Variants in ADAMTSL1 observed in about 807,000 individuals in gnomAD.
The protein encoded by ADAMTSL1 is ADAMTS like 1, also known as ADAMTS-like protein 1.
In ADAMTSL1, 126 loss-of-function variants were observed where a neutral mutation model predicts 201.8. The observed-to-expected ratio is 0.62, with a 90% CI of 0.54 to 0.72. The LOEUF (loss-of-function observed/expected upper bound fraction) is 0.72. ADAMTSL1 is among the 30% of genes least tolerant of loss of function. ADAMTSL1 has a pLI of 0.00. For synonymous variants in ADAMTSL1, 1,121 were observed against 903.4 expected (o/e 1.24, Z -4.32); for missense variants, 2,679 against 2,277.8 (o/e 1.18, Z -3.59).
intron 1 of ADAMTSL1, among the ~76,000 whole-genome samples, chr9:18,073,897 A>G (rs183242465): frequency 2.0e-3 from 297 of 152,288 alleles, no homozygotes; most frequent in African/African-American, 6.8e-3. Flanking sequence ...TAGAATTCTC[A>G]AGCCCTATTT....
At chr9:18,612,312 C>T (rs1378278456) in intron 4 of ADAMTSL1, among the ~76,000 whole-genome samples, 1 of 152,082 alleles carries the variant, frequency 6.6e-6, no homozygotes, top group Non-Finnish European at 1.5e-5. Context: ...TCTTTGGAAC[C>T]AGTGGCAGAG....
chr9:18,903,851 GAAA>G (rs565276186), intron 26 of ADAMTSL1, among the ~76,000 whole-genome samples: 2 of 134,508 alleles, frequency 1.5e-5, no homozygotes, highest in South Asian at 2.4e-4. Context: ...ACCTTTGGTT[GAAA>G]AAAAAAAAAA....
At position 18,004,157 on chromosome 9, in the gene ADAMTSL1, C is replaced by G. The variant is rs371929608; in HGVS notation, c.87+97235C>G. 8.5e-4 allele frequency among the ~76,000 whole-genome samples: 129 copies of G among 151,886 alleles called. 1 individual carries two copies. Among genetic ancestry groups the G allele is most frequent in the African/African-American group, 2.9e-3 (120 of 41,440 alleles). On this transcript the variant is annotated intron_variant, in intron 1 of 29. Transcript: ENST00000680146. ...TTCAACTGCTGAGGAAATGTTTCAG[C>G]TAGCAATAAAAGGGTTTCATATGCA...
intron 1 of ADAMTSL1, among the ~76,000 whole-genome samples, chr9:18,009,848 G>T (rs1020389948): frequency 1.3e-5 from 2 of 151,986 alleles, no homozygotes; most frequent in Admixed American, 1.3e-4. Context: ...TTAGGATCCA[G>T]GCTTGCAGAT....
At chr9:17,952,917 CCCTCCT>C (rs59567399) in intron 1 of ADAMTSL1, among the ~76,000 whole-genome samples, 1,842 of 146,054 alleles carry the variant, frequency 0.013, 24 homozygotes, top group Admixed American at 0.021. Context: ...TTCCTCCTTT[CCCTCCT>C]CCTCCTCCTC....
intron 22 of ADAMTSL1, among the ~76,000 whole-genome samples, chr9:18,827,255 A>G (rs1053629467): frequency 1.3e-5 from 2 of 152,160 alleles, no homozygotes; most frequent in Non-Finnish European, 1.5e-5. Context: ...CACCTAGAGA[A>G]AGCTGTCATT....
At chr9:18,559,341 C>A (rs1031384725) in intron 3 of ADAMTSL1, among the ~76,000 whole-genome samples, 2 of 152,072 alleles carry the variant, frequency 1.3e-5, no homozygotes, top group African/African-American at 2.4e-5. Context: ...ATTTCTGAGG[C>A]CTCTGTTCAG....
chr9:18,858,872 A>G (rs1002105724), intron 23 of ADAMTSL1, among the ~76,000 whole-genome samples: 1 of 152,306 alleles, frequency 6.6e-6, no homozygotes, highest in Admixed American at 6.5e-5. Flanking sequence ...GCCCTCTAAT[A>G]TATGTGCAAA....
intron 20 of ADAMTSL1, among the ~76,000 whole-genome samples, chr9:18,813,355 G>T (rs1315975356): frequency 6.6e-6 from 1 of 152,128 alleles, no homozygotes; most frequent in Admixed American, 6.6e-5. Flanking sequence ...TTCTATTTTT[G>T]TAAAGAGTGT....
At chr9:18,276,190 G>T (rs1832581756) in intron 2 of ADAMTSL1, among the ~76,000 whole-genome samples, 2 of 151,336 alleles carry the variant, frequency 1.3e-5, no homozygotes, top group South Asian at 2.1e-4. Flanking sequence ...CTTTTTTATT[G>T]GGTGTTTGTC....
At chr9:18,577,173 A>G (rs1033322016) in intron 4 of ADAMTSL1, among the ~76,000 whole-genome samples, 3 of 152,156 alleles carry the variant, frequency 2.0e-5, no homozygotes, top group Admixed American at 1.3e-4. Context: ...TGGAAAGCAG[A>G]CAGAATTTAA....
At chr9:17,943,481 C>A (rs965810109) in intron 1 of ADAMTSL1, among the ~76,000 whole-genome samples, 1 of 152,016 alleles carries the variant, frequency 6.6e-6, no homozygotes, top group African/African-American at 2.4e-5. Context: ...CTTTCCCGAA[C>A]CTTGTGGGTG....
At chr9:18,689,640 G>A (rs1831092782) in intron 13 of ADAMTSL1, among the ~76,000 whole-genome samples, 1 of 152,228 alleles carries the variant, frequency 6.6e-6, no homozygotes, top group African/African-American at 2.4e-5. Context: ...GGCACTTAGG[G>A]AAGCCAGGTT....
chr9:18,413,998 G>C lies in ADAMTSL1; in HGVS notation c.208-90831G>C, dbSNP rs1003073514. On this transcript the variant is annotated intron_variant, in intron 2 of 29. Coordinates refer to the ADAMTSL1 transcript ENST00000680146. ...AAATCTGAATTGTTGGAGCATCACA[G>C]TGAGTGACAAAAGAGCAAAGGGACT... 2.0e-5 allele frequency among the ~76,000 whole-genome samples: 3 copies of C among 152,322 alleles called. No individual in the cohort carries two copies. In the East Asian group the frequency reaches 5.8e-4, roughly 29 times the overall value.
At position 18,830,343 on chromosome 9, in the gene ADAMTSL1, C is replaced by G. The variant is rs187763418; in HGVS notation, c.4249+366C>G. Among the ~76,000 whole-genome samples, 22 of 152,310 alleles carry G rather than the reference C, an allele frequency of 1.4e-4. No individual in the cohort carries two copies. The East Asian group carries it at 3.7e-3, about 25-fold the overall frequency. ...TCCTCTTGCTAACCATTCCCCAGTA[C>G]TCCTCCATGATCCCCTGCCACCTAA... On this transcript the variant is annotated intron_variant, in intron 23 of 28. Coordinates refer to ENST00000380548, the MANE Select transcript of ADAMTSL1 (RefSeq NM_001040272.6).
rs756296077 is a variant in ADAMTSL1, at chr9:18,721,524, A to G, written c.1877-12A>G. The G allele has an allele frequency of 6.2e-7, 1 of 1,613,544 alleles. No homozygotes were observed. Among genetic ancestry groups the G allele is most frequent in the Non-Finnish European group, 8.5e-7 (1 of 1,179,706 alleles). ...CTTTGCACTCTGGCCTGACCGTGTG[A>G]TTTGTACACAGGTGTCCAGGAGGCT... is the stretch of plus-strand genomic sequence containing the variant. On this transcript the variant is annotated splice_polypyrimidine_tract_variant and intron_variant, in intron 14 of 28. Coordinates refer to ENST00000380548, the MANE Select transcript of ADAMTSL1 (RefSeq NM_001040272.6).
At chr9:18,170,576 G>A (rs933417215) in intron 2 of ADAMTSL1, among the ~76,000 whole-genome samples, 2 of 152,016 alleles carry the variant, frequency 1.3e-5, no homozygotes, top group Admixed American at 1.3e-4. Context: ...TTGTGTACAC[G>A]TGAAGCCTAT....
At chr9:18,620,792 A>G (rs1218847068) in intron 4 of ADAMTSL1, among the ~76,000 whole-genome samples, 1 of 152,148 alleles carries the variant, frequency 6.6e-6, no homozygotes, top group Non-Finnish European at 1.5e-5. Flanking sequence ...TTTTCCTGAC[A>G]TCTTTGCATT....
intron 1 of ADAMTSL1, among the ~76,000 whole-genome samples, chr9:18,065,985 C>CA (rs34179730): frequency 0.011 from 429 of 38,078 alleles, 48 homozygotes; most frequent in South Asian, 0.048. Context: ...GACTCCATCT[C>CA]AAAAAAAAAA....
Sources: gnomAD v4.1 joint callset for allele counts (sites outside exome capture counted in the v4.1 genomes callset) on GRCh38, gnomAD v4.1.1 for gene constraint, MANE v1.5 for transcripts, NCBI Gene and HGNC (gene_info 2026-07-23, HGNC 2026-07-21) for gene names.